Variants in OLFM3 observed in about 807,000 individuals in gnomAD.
The protein encoded by OLFM3 is olfactomedin 3.
In OLFM3, 20 loss-of-function variants were observed where a neutral mutation model predicts 48.6. The ratio of observed to expected loss-of-function variants is 0.41; its 90% CI spans 0.29 to 0.60. The LOEUF (loss-of-function observed/expected upper bound fraction) is 0.60, where lower values mean the gene tolerates loss of function less well. Ranked by LOEUF, OLFM3 falls within the 20% of genes least tolerant of loss-of-function variation. The pLI, the probability that OLFM3 is intolerant of heterozygous loss-of-function variation, is 0.28. For missense variants in OLFM3, 437 were observed against 544.3 expected, an observed-to-expected ratio of 0.80 and a Z score of 1.96; for synonymous variants, 222 against 198.1, an observed-to-expected ratio of 1.12 and a Z score of -1.01.
chr1:101,805,450 C>A (rs1261815420), intron 5 of OLFM3, among the ~76,000 whole-genome samples: 1 of 151,736 alleles, frequency 6.6e-6, no homozygotes, highest in East Asian at 1.9e-4. Flanking sequence ...AATAACTAAC[C>A]TCATTTAGAA....
chr1:101,931,533 T>C (rs1021375514), intron 1 of OLFM3, among the ~76,000 whole-genome samples: 11 of 152,348 alleles, frequency 7.2e-5, no homozygotes, highest in Admixed American at 5.9e-4. Flanking sequence ...GATGCAATAA[T>C]GGTTCATGTA....
intron 1 of OLFM3, among the ~76,000 whole-genome samples, chr1:101,886,540 G>A (rs1161658088): frequency 1.3e-5 from 2 of 152,080 alleles, no homozygotes; most frequent in Non-Finnish European, 2.9e-5. Flanking sequence ...CAGGATCCAA[G>A]GCATAGCATG....
chr1:101,949,715 G>C lies in OLFM3; in HGVS notation c.69+47033C>G, dbSNP rs537532028. Among the ~76,000 whole-genome samples the C allele has an allele frequency of 3.9e-5, 6 of 152,168 alleles. No homozygotes were observed. In the East Asian group the frequency reaches 1.2e-3, roughly 30 times the overall value. ...GGAGGCTGAGGCGGGTGGATCACGA[G>C]GTCAGGAGATCAAGACCATCCTGGC... On this transcript the variant is annotated intron_variant, in intron 1 of 5. Coordinates refer to ENST00000370103, the MANE Select transcript of OLFM3 (RefSeq NM_058170.4).
chr1:101,865,210 C>A (rs1302434592), intron 1 of OLFM3, among the ~76,000 whole-genome samples: 2 of 151,488 alleles, frequency 1.3e-5, no homozygotes, highest in Non-Finnish European at 2.9e-5. Flanking sequence ...GAGCCCCCTG[C>A]ACCAGGGTGA....
chr1:101,885,334 G>A (rs747139957), intron 1 of OLFM3, among the ~76,000 whole-genome samples: 5 of 152,126 alleles, frequency 3.3e-5, no homozygotes, highest in Non-Finnish European at 1.5e-5. Context: ...GATTATTCAA[G>A]AATTCCTTTG....
intron 4 of OLFM3, among the ~76,000 whole-genome samples, chr1:101,814,710 G>A (rs929470554): frequency 2.6e-5 from 4 of 152,112 alleles, no homozygotes; most frequent in Admixed American, 2.0e-4. Flanking sequence ...TCCCTTATTC[G>A]CTGGAGACCT....
intron 1 of OLFM3, among the ~76,000 whole-genome samples, chr1:101,846,629 A>G: frequency 6.6e-6 from 1 of 152,140 alleles, no homozygotes. Flanking sequence ...TGACTCTGGT[A>G]TTCTCTTTCA....
At chr1:101,912,885 A>G (rs1658805896) in intron 1 of OLFM3, among the ~76,000 whole-genome samples, 1 of 152,192 alleles carries the variant, frequency 6.6e-6, no homozygotes, top group African/African-American at 2.4e-5. Context: ...GAAAGAGTAT[A>G]ATCCAGTCCT....
At chr1:101,979,864 G>T (rs1469862766) in intron 1 of OLFM3, among the ~76,000 whole-genome samples, 1 of 152,250 alleles carries the variant, frequency 6.6e-6, no homozygotes, top group East Asian at 1.9e-4. Flanking sequence ...GCCAGCCCAT[G>T]AAAGCAGCTG....
rs184266083 is a variant in OLFM3, at chr1:101,842,775, G to A, written c.70-5750C>T. Among the ~76,000 whole-genome samples, 458 of 152,284 alleles carry A rather than the reference G, an allele frequency of 3.0e-3. 5 individuals carry two copies. The highest frequency in any genetic ancestry group is 0.01 in the African/African-American group (428 of 41,562). Reference sequence around the variant, plus strand: ...TGAAGAAAAGCAGGGGGCATGAGCCGAACTCCTCTCTCTGCAGTTTTCCTT... The same window carrying A: ...TGAAGAAAAGCAGGGGGCATGAGCCAAACTCCTCTCTCTGCAGTTTTCCTT... On this transcript the variant is annotated intron_variant, in intron 1 of 5. Coordinates refer to ENST00000370103, the MANE Select transcript of OLFM3 (RefSeq NM_058170.4).
chr1:101,871,217 T>A (rs999572025), intron 1 of OLFM3, among the ~76,000 whole-genome samples: 6 of 152,106 alleles, frequency 3.9e-5, no homozygotes, highest in African/African-American at 1.4e-4. Flanking sequence ...GACACAGGAA[T>A]GAATATGTTT....
intron 1 of OLFM3, among the ~76,000 whole-genome samples, chr1:101,949,902 A>C (rs925556788): frequency 1.6e-5 from 2 of 128,502 alleles, no homozygotes; most frequent in East Asian, 2.6e-4. Flanking sequence ...TGCACACTCC[A>C]GCCTGGGCAA....
chr1:101,958,306 T>G (rs1274878268), intron 1 of OLFM3, among the ~76,000 whole-genome samples: 1 of 152,116 alleles, frequency 6.6e-6, no homozygotes, highest in Non-Finnish European at 1.5e-5. Context: ...CTTCATTATT[T>G]AGCCCATCAT....
At chr1:101,864,364 C>T (rs184043886) in intron 1 of OLFM3, among the ~76,000 whole-genome samples, 13 of 152,232 alleles carry the variant, frequency 8.5e-5, no homozygotes, top group African/African-American at 2.4e-4. Flanking sequence ...GTGTTACTCC[C>T]TAATTGTGCC....
intron 1 of OLFM3, among the ~76,000 whole-genome samples, chr1:101,915,688 G>A (rs1404738523): frequency 2.6e-5 from 4 of 152,098 alleles, no homozygotes; most frequent in Admixed American, 1.3e-4. Context: ...ATGGTTTCAC[G>A]TCCTATCGCT....
At chr1:101,809,983 A>C (rs1341271031) in intron 4 of OLFM3, among the ~76,000 whole-genome samples, 1 of 151,976 alleles carries the variant, frequency 6.6e-6, no homozygotes. Flanking sequence ...CTGCTCTGTG[A>C]TTACAGGAAA....
rs77153503 is a variant in OLFM3, at chr1:101,981,144, G to T, written c.69+15604C>A. On this transcript the variant is annotated intron_variant, in intron 1 of 5. Coordinates refer to ENST00000370103, the MANE Select transcript of OLFM3 (RefSeq NM_058170.4). ...AAAGCTGTCCTCCTTGCTGCTAATTGCAGTTTTCAGGACATTATTCTTTTC... is the reference window on the plus strand; with the variant it reads ...AAAGCTGTCCTCCTTGCTGCTAATTTCAGTTTTCAGGACATTATTCTTTTC... 6.6e-3 allele frequency among the ~76,000 whole-genome samples: 999 copies of T among 152,048 alleles called. 9 individuals are homozygous for T. The highest frequency in any genetic ancestry group is 0.022 in the African/African-American group (916 of 41,484).
intron 1 of OLFM3, among the ~76,000 whole-genome samples, chr1:101,914,630 G>GTTCAAGCTATATAGTGCTATAATAGTT (rs1658865182): frequency 6.6e-6 from 1 of 152,184 alleles, no homozygotes; most frequent in South Asian, 2.1e-4. Context: ...GTGCTATAAT[G>GTTCAAGCTATATAGTGCTATAATAGTT]CTGGAAATTG....
At chr1:101,828,018 C>CTCTCTGTCTGTCTG (rs1557691298) in intron 3 of OLFM3, among the ~76,000 whole-genome samples, 9 of 112,384 alleles carry the variant, frequency 8.0e-5, no homozygotes, top group African/African-American at 2.7e-4. Context: ...TGCTCTCTCT[C>CTCTCTGTCTGTCTG]TCTCTCTCTC....
Sources: allele counts gnomAD v4.1 joint callset (sites outside exome capture counted in the v4.1 genomes callset), GRCh38; gene constraint gnomAD v4.1.1; transcripts MANE v1.5; gene names NCBI Gene and HGNC (gene_info 2026-07-23, HGNC 2026-07-21).